Variants in PLA2G4E observed in about 807,000 individuals in gnomAD.
PLA2G4E encodes the protein cytosolic phospholipase A2 epsilon.
A neutral mutation model predicts 109.1 loss-of-function variants in PLA2G4E; 84 were observed. The ratio of observed to expected loss-of-function variants is 0.77; its 90% CI spans 0.65 to 0.92. The LOEUF (loss-of-function observed/expected upper bound fraction) is 0.92, where lower values mean the gene tolerates loss of function less well. Ranked by LOEUF, PLA2G4E falls within the 40% of genes least tolerant of loss-of-function variation. The pLI, the probability that PLA2G4E is intolerant of heterozygous loss-of-function variation, is 0.00. For synonymous variants in PLA2G4E, 469 were observed against 436.1 expected (o/e 1.08, Z -0.94); for missense variants, 1,057 against 1,076.6 (o/e 0.98, Z 0.25).
chr15:42,013,603 C>T (rs2068559656), intron 2 of PLA2G4E, 82 bp downstream of exon 2: 1 of 1,357,310 alleles, frequency 7.4e-7, no homozygotes, highest in Admixed American at 2.0e-5. Flanking sequence ...ACACACGGAT[C>T]CACCTGACCA....
intron 5 of PLA2G4E, 83 bp downstream of exon 5, chr15:42,004,854 GC>G (rs780329973): frequency 2.1e-5 from 31 of 1,497,584 alleles, no homozygotes; most frequent in Admixed American, 7.2e-5. Context: ...CAGCAAAAAG[GC>G]CGACCTGCCT....
At chr15:42,019,837 G>C (rs2141064011) in intron 1 of PLA2G4E, among the ~76,000 whole-genome samples, 1 of 152,366 alleles carries the variant, frequency 6.6e-6, no homozygotes, top group African/African-American at 2.4e-5. Flanking sequence ...GGACCCTCCA[G>C]GCCTGACAGG....
At chr15:41,987,345 T>G in exon 17 of PLA2G4E, 4 of 1,613,770 alleles carry the variant, frequency 2.5e-6, no homozygotes, top group Non-Finnish European at 3.4e-6. Context: ...AGCATCACAT[T>G]TGGGGATTTC....
chr15:41,987,862 C>T (rs926754170), intron 16 of PLA2G4E, among the ~76,000 whole-genome samples, 187 bp downstream of exon 16: 1 of 151,916 alleles, frequency 6.6e-6, no homozygotes, highest in African/African-American at 2.4e-5. Flanking sequence ...CACCCCGCCC[C>T]CCATCACCCA....
chr15:42,001,119 C>G (rs374475474), intron 7 of PLA2G4E, 38 bp downstream of exon 7: 16 of 1,576,224 alleles, frequency 1.0e-5, no homozygotes, highest in Admixed American at 1.7e-5. Context: ...GCAGCTCCCC[C>G]TTGTCCCCCA....
chr15:42,050,078 T>C (rs1195202716), intron 1 of PLA2G4E, among the ~76,000 whole-genome samples: 2 of 152,228 alleles, frequency 1.3e-5, no homozygotes, highest in African/African-American at 2.4e-5. Context: ...CTAGACTGCA[T>C]GGTTCGAGAG....
chr15:42,004,968 T>C, exon 5 of PLA2G4E: 1 of 1,613,096 alleles, frequency 6.2e-7, no homozygotes, highest in South Asian at 1.1e-5. Flanking sequence ...CACCTCCAGC[T>C]CTTCCATGCC....
chr15:41,990,768 A>G (rs1318483315), intron 13 of PLA2G4E, among the ~76,000 whole-genome samples: 4 of 130,914 alleles, frequency 3.1e-5, no homozygotes, highest in Non-Finnish European at 6.4e-5. Flanking sequence ...TTTTTTTAAC[A>G]AAAGACTTAG....
intron 2 of PLA2G4E, 132 bp downstream of exon 2, chr15:42,013,553 C>G: frequency 1.2e-6 from 1 of 803,298 alleles, no homozygotes; most frequent in Non-Finnish European, 2.0e-6. Flanking sequence ...CACACATACA[C>G]GTATACACCA....
chr15:42,015,342 G>A (rs538217660), intron 1 of PLA2G4E, among the ~76,000 whole-genome samples: 54 of 152,162 alleles, frequency 3.5e-4, no homozygotes, highest in Non-Finnish European at 6.9e-4. Flanking sequence ...AGGGACCGCA[G>A]CGCTCTCCCA....
chr15:42,013,605 A>T, intron 2 of PLA2G4E, 80 bp downstream of exon 2: 1 of 1,384,018 alleles, frequency 7.2e-7, no homozygotes, highest in Non-Finnish European at 1.0e-6. Context: ...ACACGGATCC[A>T]CCTGACCATT....
intron 11 of PLA2G4E, 136 bp downstream of exon 11, chr15:41,996,988 C>T (rs2068352571): frequency 8.6e-7 from 1 of 1,157,884 alleles, no homozygotes; most frequent in Admixed American, 3.2e-5. Context: ...CAGCTCTCAC[C>T]AGGGCGCCTG....
chr15:42,026,771 G>A (rs1451719646), intron 1 of PLA2G4E, among the ~76,000 whole-genome samples: 3 of 151,988 alleles, frequency 2.0e-5, no homozygotes, highest in Non-Finnish European at 2.9e-5. Context: ...TCAGGAGTTC[G>A]AGACCAGCCT....
At chr15:42,019,687 G>C (rs954871696) in intron 1 of PLA2G4E, among the ~76,000 whole-genome samples, 2 of 152,204 alleles carry the variant, frequency 1.3e-5, no homozygotes, top group Non-Finnish European at 1.5e-5. Flanking sequence ...GAGGGGACAT[G>C]ATGGGACCCT....
intron 1 of PLA2G4E, among the ~76,000 whole-genome samples, chr15:42,048,472 C>A (rs761647634): frequency 2.6e-5 from 4 of 152,060 alleles, no homozygotes; most frequent in Non-Finnish European, 5.9e-5. Flanking sequence ...AAATTAAATA[C>A]AATGTCTTTT....
chr15:42,028,837 C>T (rs1193071365), intron 1 of PLA2G4E, among the ~76,000 whole-genome samples: 1 of 152,184 alleles, frequency 6.6e-6, no homozygotes, highest in East Asian at 1.9e-4. Flanking sequence ...CTTACAGCTT[C>T]TCTGGGTAAG....
intron 1 of PLA2G4E, among the ~76,000 whole-genome samples, chr15:42,028,407 A>ATTTC (rs754676145): frequency 0.017 from 2,380 of 139,826 alleles, 65 homozygotes; most frequent in African/African-American, 0.057. Context: ...TTATTTATTT[A>ATTTC]TTTATTTATT....
chr15:42,029,400 T>A (rs1889076615), intron 1 of PLA2G4E, among the ~76,000 whole-genome samples: 1 of 152,168 alleles, frequency 6.6e-6, no homozygotes, highest in Non-Finnish European at 1.5e-5. Context: ...CTGGCCCTTT[T>A]CATTCTCAAA....
chr15:42,040,222 A>T (rs1029890771), intron 1 of PLA2G4E, among the ~76,000 whole-genome samples: 3 of 152,098 alleles, frequency 2.0e-5, no homozygotes, highest in African/African-American at 7.2e-5. Context: ...ACACACCTAC[A>T]CACACACTAC....
Sources: allele counts gnomAD v4.1 joint callset (sites outside exome capture counted in the v4.1 genomes callset), GRCh38; gene constraint gnomAD v4.1.1; transcripts MANE v1.5; gene names NCBI Gene and HGNC (gene_info 2026-07-23, HGNC 2026-07-21).